TNR: variants seen among roughly 807,000 people sequenced by gnomAD.
TNR encodes the protein tenascin R.
Under a neutral mutation model 150.4 loss-of-function variants are expected in TNR, and 45 were observed. That is an observed-to-expected ratio of 0.30 (90% CI 0.24 to 0.38). The LOEUF (loss-of-function observed/expected upper bound fraction) is 0.38, where lower values mean the gene tolerates loss of function less well. Ranked by LOEUF, TNR falls within the 10% of genes least tolerant of loss-of-function variation. The pLI is 1.00. For missense variants in TNR, 1,544 were observed against 1,759.1 expected (o/e 0.88, Z 2.19); for synonymous variants, 687 against 678.4 (o/e 1.01, Z -0.20).
rs371714104 is a variant in TNR, at chr1:175,567,169, T to A, written c.-164-38800A>T. On this transcript the variant is annotated intron_variant, in intron 1 of 22. Transcript: ENST00000367674. Reference sequence around the variant, plus strand: ...TTTAAGACCTCAGATCTCCTAAAAATCATGTGTGTATAATTACGTTTAATT... The same window carrying A: ...TTTAAGACCTCAGATCTCCTAAAAAACATGTGTGTATAATTACGTTTAATT... 7.2e-5 allele frequency among the ~76,000 whole-genome samples: 11 copies of A among 152,292 alleles called. No individual in the cohort carries two copies. In the East Asian group the frequency reaches 1.7e-3, roughly 24 times the overall value.
chr1:175,615,056 G>A (rs1663726521), intron 1 of TNR, among the ~76,000 whole-genome samples: 2 of 152,214 alleles, frequency 1.3e-5, no homozygotes, highest in African/African-American at 4.8e-5. Flanking sequence ...CTTCCTGAGG[G>A]AGGAAGGAAG....
chr1:175,706,145 T>G (rs12034220), intron 1 of TNR, among the ~76,000 whole-genome samples: 8,999 of 152,276 alleles, frequency 0.059, 348 homozygotes, highest in East Asian at 0.17. Context: ...GAATAAAGTT[T>G]TGATTTAAAA....
intron 1 of TNR, among the ~76,000 whole-genome samples, chr1:175,579,479 A>T (rs116244641): frequency 3.0e-4 from 46 of 152,044 alleles, no homozygotes; most frequent in African/African-American, 1.0e-3. Context: ...TGAGAAAGAA[A>T]ATGAAGGGCA....
intron 2 of TNR, among the ~76,000 whole-genome samples, chr1:175,425,137 G>A (rs1654915592): frequency 6.6e-6 from 1 of 152,146 alleles, no homozygotes; most frequent in South Asian, 2.1e-4. Context: ...ACTTGAAGTA[G>A]AAGACAAGAC....
intron 2 of TNR, among the ~76,000 whole-genome samples, chr1:175,474,615 A>G (rs1657465032): frequency 6.6e-6 from 1 of 152,256 alleles, no homozygotes; most frequent in Non-Finnish European, 1.5e-5. Flanking sequence ...GGGAGAAGAA[A>G]GTGATCCAAG....
intron 1 of TNR, among the ~76,000 whole-genome samples, chr1:175,685,485 T>G (rs1666161855): frequency 2.6e-5 from 4 of 152,188 alleles, no homozygotes; most frequent in Admixed American, 2.0e-4. Context: ...GTTAAGTTCA[T>G]GGATTTGACC....
At chr1:175,391,630 C>T (rs1248562102) in intron 6 of TNR, among the ~76,000 whole-genome samples, 192 bp from the exon 7 acceptor site, 2 of 152,222 alleles carry the variant, frequency 1.3e-5, no homozygotes, top group African/African-American at 2.4e-5. Flanking sequence ...ATAAGAATGA[C>T]ACCACCCTAT....
At chr1:175,546,747 C>T (rs1660704241) in intron 1 of TNR, among the ~76,000 whole-genome samples, 1 of 152,098 alleles carries the variant, frequency 6.6e-6, no homozygotes, top group African/African-American at 2.4e-5. Flanking sequence ...GGAGAGGATT[C>T]CTCTGGCCTC....
chr1:175,385,982 C>T (rs767519555), intron 8 of TNR, 50 bp downstream of exon 8: 3 of 1,520,756 alleles, frequency 2.0e-6, no homozygotes, highest in South Asian at 1.3e-5. Context: ...CACCGGTTGG[C>T]TCCACCCCTC....
chr1:175,654,660 A>T (rs57619189), intron 1 of TNR, among the ~76,000 whole-genome samples: 4,148 of 150,290 alleles, frequency 0.028, 132 homozygotes, highest in African/African-American at 0.069. Flanking sequence ...CCATCTGTCA[A>T]ACTCTCTAAA....
intron 1 of TNR, among the ~76,000 whole-genome samples, chr1:175,635,309 G>T (rs979015147): frequency 1.3e-5 from 2 of 152,200 alleles, no homozygotes; most frequent in Admixed American, 6.5e-5. Context: ...CAAACAAAAG[G>T]TCTCTAATTT....
At chr1:175,405,324 T>C (rs1171830439) in intron 3 of TNR, among the ~76,000 whole-genome samples, 1 of 152,192 alleles carries the variant, frequency 6.6e-6, no homozygotes, top group Non-Finnish European at 1.5e-5. Flanking sequence ...TGCTCTAGTC[T>C]AGCACCATTT....
intron 2 of TNR, among the ~76,000 whole-genome samples, chr1:175,505,208 A>T (rs1658906051): frequency 6.6e-6 from 1 of 152,168 alleles, no homozygotes; most frequent in South Asian, 2.1e-4. Context: ...CTTGGCATTT[A>T]TTTAGCCCTC....
intron 1 of TNR, among the ~76,000 whole-genome samples, chr1:175,645,333 G>T (rs1405553256): frequency 6.6e-6 from 1 of 152,200 alleles, no homozygotes; most frequent in East Asian, 1.9e-4. Context: ...GGGATATATA[G>T]TTGATGCCAC....
chr1:175,344,838 T>G (rs562585579), intron 18 of TNR, among the ~76,000 whole-genome samples: 2 of 152,236 alleles, frequency 1.3e-5, no homozygotes, highest in South Asian at 4.1e-4. Context: ...GAGGGAACAT[T>G]GCGCAACTCA....
In TNR at chr1:175,406,566, C is replaced by A; in HGVS notation, c.149G>T (p.Gly50Val). Residue 50 changes from glycine to valine, a missense_variant, in exon 3 of 23, where the codon GGC becomes GTC. Coordinates refer to ENST00000367674, the MANE Select transcript of TNR (RefSeq NM_003285.3). ...VQRQSVEEEG[G>V]IANYNTSSKE... ...GCTGGATGTGTTGTAGTTGGCAATGCCTCCCTCCTCCTCCACTGACTGTCT... is the reference window on the plus strand; with the variant it reads ...GCTGGATGTGTTGTAGTTGGCAATGACTCCCTCCTCCTCCACTGACTGTCT... 1 of 1,614,162 alleles carries A rather than the reference C, an allele frequency of 6.2e-7. No homozygotes were observed.
chr1:175,729,464 CT>C (rs1667572706), intron 1 of TNR, among the ~76,000 whole-genome samples: 1 of 152,098 alleles, frequency 6.6e-6, no homozygotes, highest in Admixed American at 6.5e-5. Flanking sequence ...GGGTCTTGCT[CT>C]GTCTCCACGC....
rs540099040 is a variant in TNR at position 175,646,803 on chromosome 1, C to T, written c.-165+96423G>A. Among the ~76,000 whole-genome samples the T allele has an allele frequency of 8.1e-4, 124 of 152,376 alleles. 1 individual carries two copies. Among genetic ancestry groups the T allele is most frequent in the African/African-American group, 2.8e-3 (116 of 41,592 alleles). On this transcript the variant is annotated intron_variant, in intron 1 of 22. Transcript: ENST00000367674. ...CCAAGGTTCCACCACTCCTTACTGT[C>T]TTCTGCCAGGTCCACTGGAATTTTA...
intron 1 of TNR, among the ~76,000 whole-genome samples, chr1:175,617,322 A>G (rs996740604): frequency 2.6e-4 from 40 of 152,260 alleles, no homozygotes; most frequent in African/African-American, 9.1e-4. Flanking sequence ...TGAAGACCTG[A>G]CCCTTAGTCA....
Sources: gnomAD v4.1 joint callset for allele counts (sites outside exome capture counted in the v4.1 genomes callset) on GRCh38, gnomAD v4.1.1 for gene constraint, MANE v1.5 for transcripts, NCBI Gene and HGNC (gene_info 2026-07-23, HGNC 2026-07-21) for gene names.